Variants in ERC1 observed in about 807,000 individuals in gnomAD.
ERC1 encodes ELKS/RAB6-interacting/CAST family member 1.
A neutral mutation model predicts 132.0 loss-of-function variants in ERC1; 56 were observed. The observed-to-expected ratio is 0.42, with a 90% confidence interval of 0.34 to 0.53. The LOEUF (loss-of-function observed/expected upper bound fraction) is 0.53, where lower values mean the gene tolerates loss of function less well. Among genes scored for constraint, ERC1 ranks in the 20% least tolerant of loss-of-function variants. The pLI is 0.03. For missense variants in ERC1, 1,202 were observed against 1,349.9 expected (o/e 0.89, Z 1.72); for synonymous variants, 478 against 476.1 (o/e 1.00, Z -0.05).
At chr12:1,125,051 G>A (rs1333241130) in intron 7 of ERC1, among the ~76,000 whole-genome samples, 2 of 151,732 alleles carry the variant, frequency 1.3e-5, no homozygotes, top group Non-Finnish European at 2.9e-5. Flanking sequence ...CCGGAGTGCA[G>A]TGGCACAATC....
intron 15 of ERC1, among the ~76,000 whole-genome samples, chr12:1,336,468 C>T (rs1359739159): frequency 6.6e-6 from 1 of 152,122 alleles, no homozygotes; most frequent in Non-Finnish European, 1.5e-5. Context: ...TCATTAGTTT[C>T]AAAGAACTTC....
At chr12:1,343,549 T>C (rs2084124514) in intron 15 of ERC1, among the ~76,000 whole-genome samples, 1 of 152,174 alleles carries the variant, frequency 6.6e-6, no homozygotes, top group Non-Finnish European at 1.5e-5. Context: ...AGTTTAGTTA[T>C]CTTAGTATTG....
intron 14 of ERC1, among the ~76,000 whole-genome samples, chr12:1,263,723 C>G (rs1172628486): frequency 2.6e-5 from 4 of 151,744 alleles, no homozygotes; most frequent in Admixed American, 1.3e-4. Flanking sequence ...AAATCTTGCT[C>G]TTGTCCCCCA....
intron 1 of ERC1, among the ~76,000 whole-genome samples, chr12:1,012,450 A>T (rs1412178359): frequency 6.6e-6 from 1 of 151,288 alleles, no homozygotes. Flanking sequence ...GTATTTACCA[A>T]CAGTGATGTG....
chr12:1,122,777 A>G (rs973755165), intron 7 of ERC1, among the ~76,000 whole-genome samples: 6 of 8,190 alleles, frequency 7.3e-4, no homozygotes, highest in Non-Finnish European at 3.5e-3. Context: ...TTTTCAGATG[A>G]GTGTGTTTCT....
intron 15 of ERC1, among the ~76,000 whole-genome samples, chr12:1,305,285 T>A (rs1222295802): frequency 6.6e-6 from 1 of 152,196 alleles, no homozygotes; most frequent in African/African-American, 2.4e-5. Context: ...CATCAGTGAT[T>A]TCTAATGAGT....
At chr12:1,378,861 C>G (rs549311278) in intron 16 of ERC1, among the ~76,000 whole-genome samples, 1 of 152,260 alleles carries the variant, frequency 6.6e-6, no homozygotes, top group East Asian at 1.9e-4. Flanking sequence ...CAGATGACAT[C>G]CTGAAATAAA....
At chr12:1,048,084 C>T (rs868519574) in intron 2 of ERC1, among the ~76,000 whole-genome samples, 2 of 152,140 alleles carry the variant, frequency 1.3e-5, no homozygotes, top group Non-Finnish European at 2.9e-5. Context: ...TAACAGCGGC[C>T]AGCACTTCCC....
intron 15 of ERC1, among the ~76,000 whole-genome samples, chr12:1,315,618 G>A (rs1051877264): frequency 1.3e-5 from 2 of 152,076 alleles, no homozygotes; most frequent in Admixed American, 6.5e-5. Flanking sequence ...CGAGGTGGGC[G>A]GATCTACAGG....
intron 7 of ERC1, among the ~76,000 whole-genome samples, chr12:1,122,777 A>C (rs973755165): frequency 2.5e-4 from 2 of 8,154 alleles, no homozygotes; most frequent in Non-Finnish European, 1.2e-3. Flanking sequence ...TTTTCAGATG[A>C]GTGTGTTTCT....
chr12:1,259,520 C>CTTTCTTTTTTTTTT (rs749136473), intron 13 of ERC1, among the ~76,000 whole-genome samples: 6 of 113,906 alleles, frequency 5.3e-5, no homozygotes, highest in South Asian at 3.0e-4. Context: ...TTCTTTCTTT[C>CTTTCTTTTTTTTTT]TTTTTTTTTT....
At chr12:1,136,149 A>G (rs1240781755) in intron 7 of ERC1, among the ~76,000 whole-genome samples, 6 of 152,204 alleles carry the variant, frequency 3.9e-5, no homozygotes, top group Non-Finnish European at 1.5e-5. Flanking sequence ...ATAAAAGTCA[A>G]GCTCCTAGAC....
chr12:1,325,987 G>T lies in ERC1; in HGVS notation c.2780+35975G>T, dbSNP rs1258922469. ...TACTGGTTTCAGGGATATGATTGTGGTATGAAACTGCCAATCTTCTACTTT... is the reference window on the plus strand; with the variant it reads ...TACTGGTTTCAGGGATATGATTGTGTTATGAAACTGCCAATCTTCTACTTT... On this transcript the variant is annotated intron_variant, in intron 15 of 18. Transcript: ENST00000360905. Among the ~76,000 whole-genome samples, 3 of 152,212 alleles carry T rather than the reference G, an allele frequency of 2.0e-5. No homozygotes were observed. In the East Asian group the frequency reaches 5.8e-4, roughly 29 times the overall value.
chr12:1,386,435 G>A (rs547659285), intron 16 of ERC1: 1 of 150,284 alleles, frequency 6.7e-6, no homozygotes, highest in Non-Finnish European at 1.5e-5. Flanking sequence ...ATCACTTGAG[G>A]TCAAGAGTTT....
Position 1,109,470 on chromosome 12 carries a change from G to A in ERC1, c.1162-722G>A, listed in dbSNP as rs748768897. 1.3e-5 allele frequency among the ~76,000 whole-genome samples: 2 copies of A among 151,984 alleles called. 1 individual carries two copies. Among genetic ancestry groups the A allele is most frequent in the South Asian group, 4.2e-4 (2 of 4,816 alleles). On this transcript the variant is annotated intron_variant, in intron 4 of 18. Transcript: ENST00000360905. ...TCTTACTTTTTTCCCCTCCTTTGGG[G>A]CATAATATGTTTTTTAGGGGTCACC...
At chr12:1,226,738 G>A (rs1423559737) in intron 12 of ERC1, among the ~76,000 whole-genome samples, 2 of 152,118 alleles carry the variant, frequency 1.3e-5, no homozygotes, top group South Asian at 2.1e-4. Flanking sequence ...GTGCAGTGGC[G>A]TAGTCTCGGC....
chr12:1,261,098 C>G (rs962847910), intron 13 of ERC1, among the ~76,000 whole-genome samples: 28 of 152,284 alleles, frequency 1.8e-4, no homozygotes, highest in African/African-American at 6.7e-4. Context: ...CATTTTCTCC[C>G]TAAAAGTTTT....
intron 13 of ERC1, among the ~76,000 whole-genome samples, chr12:1,249,049 AT>A (rs915570814): frequency 5.3e-5 from 8 of 149,850 alleles, no homozygotes; most frequent in South Asian, 2.1e-4. Context: ...CACCTGGCTA[AT>A]TTTTTTTTTC....
chr12:1,284,308 G>GTGTA (rs1198068155), intron 14 of ERC1, among the ~76,000 whole-genome samples: 64 of 139,460 alleles, frequency 4.6e-4, no homozygotes, highest in Non-Finnish European at 7.7e-4. Context: ...GTGTGTGTGT[G>GTGTA]TATACATACC....
Sources: gnomAD v4.1 joint callset for allele counts (sites outside exome capture counted in the v4.1 genomes callset) on GRCh38, gnomAD v4.1.1 for gene constraint, MANE v1.5 for transcripts, NCBI Gene and HGNC (gene_info 2026-07-23, HGNC 2026-07-21) for gene names.